Variants in MAML3 observed in about 807,000 individuals in gnomAD.
The protein encoded by MAML3 is mastermind-like protein 3.
MAML3 carries 27 observed loss-of-function variants against 101.9 expected under a neutral mutation model. That is an observed-to-expected ratio of 0.27 (90% CI 0.20 to 0.37). The LOEUF (loss-of-function observed/expected upper bound fraction) is 0.37, where lower values mean the gene tolerates loss of function less well. Among genes scored for constraint, MAML3 ranks in the 10% least tolerant of loss-of-function variants. The pLI, the probability that MAML3 is intolerant of heterozygous loss-of-function variation, is 1.00. For synonymous variants in MAML3, 501 were observed against 555.9 expected (o/e 0.90, Z 1.39); for missense variants, 1,316 against 1,444.9 (o/e 0.91, Z 1.45).
At chr4:139,969,010 G>A (rs77682158) in intron 1 of MAML3, among the ~76,000 whole-genome samples, 2,954 of 151,964 alleles carry the variant, frequency 0.019, 121 homozygotes, top group African/African-American at 0.067. Flanking sequence ...AGAAACAGAA[G>A]TAGAGGGTGC....
intron 2 of MAML3, among the ~76,000 whole-genome samples, chr4:139,759,572 A>T (rs1324778666): frequency 6.6e-6 from 1 of 152,232 alleles, no homozygotes; most frequent in Non-Finnish European, 1.5e-5. Flanking sequence ...GCACCTAGGC[A>T]AATTGCTTTC....
chr4:139,786,788 A>C (rs1205001297), intron 2 of MAML3, among the ~76,000 whole-genome samples: 1 of 152,166 alleles, frequency 6.6e-6, no homozygotes, highest in Non-Finnish European at 1.5e-5. Flanking sequence ...GGGTTTCAGG[A>C]GGTGAGGTTA....
chr4:139,884,757 GCT>G (rs1732293016), intron 2 of MAML3, among the ~76,000 whole-genome samples: 1 of 152,192 alleles, frequency 6.6e-6, no homozygotes, highest in South Asian at 2.1e-4. Context: ...CTCAAAAGCG[GCT>G]CTGTGTTATT....
At chr4:140,116,659 G>A (rs1477526003) in intron 1 of MAML3, among the ~76,000 whole-genome samples, 1 of 152,156 alleles carries the variant, frequency 6.6e-6, no homozygotes, top group African/African-American at 2.4e-5. Flanking sequence ...ACATCCAGAC[G>A]AAACCATTAA....
At chr4:139,732,773 A>G (rs1261573033) in intron 2 of MAML3, among the ~76,000 whole-genome samples, 1 of 152,166 alleles carries the variant, frequency 6.6e-6, no homozygotes, top group African/African-American at 2.4e-5. Context: ...TCATGGTGTT[A>G]AGTGTGCACC....
At chr4:139,769,713 T>A (rs1729937204) in intron 2 of MAML3, among the ~76,000 whole-genome samples, 1 of 152,056 alleles carries the variant, frequency 6.6e-6, no homozygotes, top group African/African-American at 2.4e-5. Context: ...CCTCTTGGGT[T>A]CAAGCCATTC....
intron 3 of MAML3, among the ~76,000 whole-genome samples, chr4:139,727,995 T>G (rs1435539493): frequency 6.6e-6 from 1 of 152,104 alleles, no homozygotes; most frequent in Non-Finnish European, 1.5e-5. Context: ...GCAGGCAGAT[T>G]GCTTGAGCCC....
chr4:139,938,370 G>C (rs942967512), intron 1 of MAML3, among the ~76,000 whole-genome samples: 5 of 152,170 alleles, frequency 3.3e-5, no homozygotes, highest in Non-Finnish European at 5.9e-5. Flanking sequence ...GAGTCATGAA[G>C]TGATTGGCTC....
intron 1 of MAML3, among the ~76,000 whole-genome samples, chr4:139,901,317 A>G (rs1732714108): frequency 6.6e-6 from 1 of 152,258 alleles, no homozygotes; most frequent in Admixed American, 6.5e-5. Flanking sequence ...TTTCTGTAGG[A>G]AAAAGCTCCA....
intron 1 of MAML3, among the ~76,000 whole-genome samples, chr4:140,058,417 T>G (rs1184199551): frequency 6.6e-6 from 1 of 152,044 alleles, no homozygotes; most frequent in Non-Finnish European, 1.5e-5. Context: ...TTTTAAAAAT[T>G]ACTAATTTAA....
intron 2 of MAML3, among the ~76,000 whole-genome samples, chr4:139,799,806 G>A (rs1730573149): frequency 6.6e-6 from 1 of 152,184 alleles, no homozygotes; most frequent in Non-Finnish European, 1.5e-5. Flanking sequence ...ACAGCTGTCA[G>A]TGATTTCAAT....
intron 1 of MAML3, among the ~76,000 whole-genome samples, chr4:140,117,272 T>A (rs1332193521): frequency 6.6e-6 from 1 of 152,186 alleles, no homozygotes; most frequent in African/African-American, 2.4e-5. Context: ...ATCTCCCTCG[T>A]ATTTTCTTAC....
chr4:139,902,709 G>A (rs893786830), intron 1 of MAML3, among the ~76,000 whole-genome samples: 6 of 152,160 alleles, frequency 3.9e-5, no homozygotes, highest in Admixed American at 3.9e-4. Flanking sequence ...AAGCGGCTCG[G>A]CTTCATCCCA....
chr4:139,766,343 C>T (rs993289110), intron 2 of MAML3, among the ~76,000 whole-genome samples: 2 of 152,046 alleles, frequency 1.3e-5, no homozygotes, highest in African/African-American at 4.8e-5. Flanking sequence ...AGCTAATTTT[C>T]ATATTTTTAG....
At chr4:139,855,785 T>A (rs1399060880) in intron 2 of MAML3, among the ~76,000 whole-genome samples, 1 of 152,232 alleles carries the variant, frequency 6.6e-6, no homozygotes, top group East Asian at 1.9e-4. Flanking sequence ...CTTTTTAAGT[T>A]CTAATTTTCA....
intron 1 of MAML3, among the ~76,000 whole-genome samples, chr4:139,925,657 C>T (rs1021550542): frequency 2.2e-4 from 34 of 152,194 alleles, no homozygotes; most frequent in African/African-American, 7.2e-4. Flanking sequence ...TTCACCCTCA[C>T]CATTGATGAC....
intron 1 of MAML3, among the ~76,000 whole-genome samples, chr4:139,986,056 T>G (rs1221367848): frequency 6.6e-6 from 1 of 152,242 alleles, no homozygotes; most frequent in African/African-American, 2.4e-5. Flanking sequence ...TTCTTCCAGC[T>G]CTATGGAAAG....
chr4:139,772,322 T>G (rs114015668), intron 2 of MAML3, among the ~76,000 whole-genome samples: 1 of 148,080 alleles, frequency 6.8e-6, no homozygotes, highest in African/African-American at 2.5e-5. Flanking sequence ...AGTTCACAGA[T>G]ATTTTTAAAG....
chr4:140,006,457 G>A (rs1488749597), intron 1 of MAML3, among the ~76,000 whole-genome samples: 2 of 151,976 alleles, frequency 1.3e-5, no homozygotes, highest in African/African-American at 4.8e-5. Flanking sequence ...ATGGTGGCGG[G>A]TGCCTGTAAT....
Sources: gnomAD v4.1 joint callset for allele counts (sites outside exome capture counted in the v4.1 genomes callset) on GRCh38, gnomAD v4.1.1 for gene constraint, MANE v1.5 for transcripts, NCBI Gene and HGNC (gene_info 2026-07-23, HGNC 2026-07-21) for gene names.